Variants in AK5 observed in about 807,000 individuals in gnomAD.
The protein encoded by AK5 is adenylate kinase 5, also known as adenylate kinase isoenzyme 5.
AK5 carries 27 observed loss-of-function variants against 69.5 expected under a neutral mutation model. The observed-to-expected ratio is 0.39, with a 90% CI of 0.29 to 0.54. The LOEUF is 0.54. Ranked by LOEUF, AK5 falls within the 20% of genes least tolerant of loss-of-function variation. AK5 has a pLI of 0.71. For missense variants in AK5, 531 were observed against 700.4 expected, an observed-to-expected ratio of 0.76 and a Z score of 2.73; for synonymous variants, 260 against 244.4, an observed-to-expected ratio of 1.06 and a Z score of -0.60.
In AK5 at chr1:77,367,609, T is replaced by TAA. The variant is rs1375276528; in HGVS notation, c.891+27042_891+27043dup. ...ATATGTTATATATGTAATATATATGTAATATATATGTTATATATGTAATAT... is the reference window on the plus strand; with the variant it reads ...ATATGTTATATATGTAATATATATGTAAAATATATATGTTATATATGTAATAT... On this transcript the variant is annotated intron_variant, in intron 6 of 13. Coordinates refer to ENST00000354567, the MANE Select transcript of AK5 (RefSeq NM_174858.3). 2.2e-4 allele frequency among the ~76,000 whole-genome samples: 17 copies of TAA among 78,500 alleles called. 2 individuals are homozygous for TAA. The highest frequency in any genetic ancestry group is 1.0e-3 in the African/African-American group (16 of 15,966). The allele number at this position is 78,500 out of a possible 152,430, so 51.5% of individuals were successfully genotyped here. A position where few individuals can be genotyped will look rare whatever the true frequency, so the allele number is the denominator to read the frequency against.
At chr1:77,373,662 G>A (rs1647163904) in intron 6 of AK5, among the ~76,000 whole-genome samples, 1 of 151,864 alleles carries the variant, frequency 6.6e-6, no homozygotes, top group Admixed American at 6.6e-5. Context: ...GGAGGTGGAG[G>A]TTGCAGTGAG....
At chr1:77,406,878 C>T (rs779035198) in intron 6 of AK5, among the ~76,000 whole-genome samples, 3 of 152,052 alleles carry the variant, frequency 2.0e-5, no homozygotes, top group Non-Finnish European at 4.4e-5. Flanking sequence ...TGCTCTGATC[C>T]AACCTAACAA....
At chr1:77,507,077 A>G (rs1657075068) in intron 10 of AK5, among the ~76,000 whole-genome samples, 1 of 152,214 alleles carries the variant, frequency 6.6e-6, no homozygotes, top group Non-Finnish European at 1.5e-5. Context: ...TACAAGAGCC[A>G]TAGTTAGATT....
At chr1:77,368,300 A>ATGT (rs1268455609) in intron 6 of AK5, among the ~76,000 whole-genome samples, 3 of 112,910 alleles carry the variant, frequency 2.7e-5, no homozygotes, top group African/African-American at 7.2e-5. Context: ...TATGTTATAT[A>ATGT]TAATATATAT....
At chr1:77,429,684 C>G (rs1216234080) in intron 8 of AK5, among the ~76,000 whole-genome samples, 1 of 152,160 alleles carries the variant, frequency 6.6e-6, no homozygotes, top group Non-Finnish European at 1.5e-5. Context: ...TGGTCTAGAT[C>G]TCCTGACCTC....
chr1:77,486,369 G>T lies in AK5; in HGVS notation c.1147+17G>T. 5 of 1,565,986 alleles carry T rather than the reference G, an allele frequency of 3.2e-6. No individual in the cohort carries two copies. Among genetic ancestry groups the T allele is most frequent in the Non-Finnish European group, 4.4e-6 (5 of 1,141,818 alleles). On this transcript the variant is annotated intron_variant, in intron 10 of 13. Transcript: ENST00000354567. ...TCATAATTGGTGAGTAACAGCCCTTGCATTTTCTAACAATACAATTGCTAA... is the reference window on the plus strand; with the variant it reads ...TCATAATTGGTGAGTAACAGCCCTTTCATTTTCTAACAATACAATTGCTAA...
chr1:77,341,763 T>C (rs1191597730), intron 6 of AK5, among the ~76,000 whole-genome samples: 2 of 152,202 alleles, frequency 1.3e-5, no homozygotes, highest in Non-Finnish European at 2.9e-5. Flanking sequence ...GTAAGTCTGA[T>C]CTGGAAATTG....
chr1:77,286,895 T>C, intron 1 of AK5, 46 bp from the exon 2 acceptor site: 1 of 1,194,776 alleles, frequency 8.4e-7, no homozygotes, highest in Non-Finnish European at 1.1e-6. Flanking sequence ...AAAACAAAGG[T>C]GGGTTTAAAA....
intron 6 of AK5, among the ~76,000 whole-genome samples, chr1:77,396,569 T>C (rs908217158): frequency 3.9e-5 from 6 of 152,216 alleles, no homozygotes; most frequent in African/African-American, 1.4e-4. Flanking sequence ...GTTATAGACC[T>C]GGGAATAGTG....
intron 10 of AK5, among the ~76,000 whole-genome samples, chr1:77,500,508 G>A (rs552177008): frequency 6.6e-5 from 10 of 152,298 alleles, no homozygotes; most frequent in African/African-American, 2.2e-4. Context: ...GCAAGGCACG[G>A]TGGCTCACTC....
In AK5 at chr1:77,445,872, A is replaced by G. The variant is rs923423996; in HGVS notation, c.1059+28157A>G. Among the ~76,000 whole-genome samples the G allele has an allele frequency of 2.6e-5, 4 of 152,272 alleles. No homozygotes were observed. In the East Asian group the frequency reaches 7.7e-4, roughly 29 times the overall value. On this transcript the variant is annotated intron_variant, in intron 8 of 13. Coordinates refer to ENST00000354567, the MANE Select transcript of AK5 (RefSeq NM_174858.3). ...AGTGCTGGGATTGCAGCCCTGAGCCACCACGCCTGGTCAGCCTTTCCTATT... is the reference window on the plus strand; with the variant it reads ...AGTGCTGGGATTGCAGCCCTGAGCCGCCACGCCTGGTCAGCCTTTCCTATT...
chr1:77,343,898 C>T (rs773319275), intron 6 of AK5, among the ~76,000 whole-genome samples: 1 of 152,176 alleles, frequency 6.6e-6, no homozygotes, highest in Non-Finnish European at 1.5e-5. Flanking sequence ...TTCTCCAATA[C>T]ATAGGTTATT....
chr1:77,558,077 A>C (rs1233805930), intron 13 of AK5, among the ~76,000 whole-genome samples: 3 of 152,186 alleles, frequency 2.0e-5, no homozygotes, highest in Non-Finnish European at 4.4e-5. Context: ...CCATCTGGAT[A>C]TATCAGTTTA....
chr1:77,325,489 C>T (rs778168905), intron 5 of AK5, among the ~76,000 whole-genome samples: 25 of 152,048 alleles, frequency 1.6e-4, no homozygotes, highest in Admixed American at 1.0e-3. Context: ...CACACTTTTA[C>T]GGGAAAAGCA....
chr1:77,285,024 C>T (rs1052985885), intron 1 of AK5, among the ~76,000 whole-genome samples: 11 of 152,134 alleles, frequency 7.2e-5, no homozygotes, highest in Non-Finnish European at 1.2e-4. Context: ...GTTTCTGCAA[C>T]AGGTACAGAG....
chr1:77,506,312 T>G (rs1245860610), intron 10 of AK5, among the ~76,000 whole-genome samples: 3 of 152,052 alleles, frequency 2.0e-5, no homozygotes, highest in Non-Finnish European at 2.9e-5. Flanking sequence ...AGATTCATAT[T>G]CAGCTGAAAG....
chr1:77,486,434 A>G lies in AK5; in HGVS notation c.1147+82A>G, dbSNP rs142018718. The G allele has an allele frequency of 2.3e-3, 2,318 of 1,025,878 alleles. 18 individuals carry two copies. Among genetic ancestry groups the G allele is most frequent in the Admixed American group, 0.017 (781 of 46,808 alleles). The allele number at this position is 1,025,878 out of a possible 1,614,324, so 63.5% of individuals were successfully genotyped here. A position where few individuals can be genotyped will look rare whatever the true frequency, so the allele number is the denominator to read the frequency against. On this transcript the variant is annotated intron_variant, in intron 10 of 13. Transcript: ENST00000354567. ...TAGTGGGCCAGGTGCGGTGGCTTAC[A>G]CCTGTAATCCCAGCACTGTGGGAGG...
chr1:77,488,703 A>C (rs922479150), intron 10 of AK5, among the ~76,000 whole-genome samples: 7 of 152,200 alleles, frequency 4.6e-5, no homozygotes, highest in Admixed American at 1.3e-4. Context: ...GGAAACATGC[A>C]GGCTGAGAGG....
intron 1 of AK5, chr1:77,282,629 C>G: frequency 8.0e-7 from 1 of 1,250,438 alleles, no homozygotes; most frequent in Non-Finnish European, 1.0e-6. Context: ...CTGAAAGCAG[C>G]CTGCTCCCAT....
Sources: gnomAD v4.1 joint callset for allele counts (sites outside exome capture counted in the v4.1 genomes callset) on GRCh38, gnomAD v4.1.1 for gene constraint, MANE v1.5 for transcripts, NCBI Gene and HGNC (gene_info 2026-07-23, HGNC 2026-07-21) for gene names.